Variants in BMPR1B observed in about 807,000 individuals in gnomAD.
The protein encoded by BMPR1B is bone morphogenetic protein receptor type 1B, also known as bone morphogenetic protein receptor type-1B.
Under a neutral mutation model 59.1 loss-of-function variants are expected in BMPR1B, and 12 were observed. That is an observed-to-expected ratio of 0.20 (90% CI 0.13 to 0.33). The LOEUF is 0.33. BMPR1B is among the 10% of genes least tolerant of loss of function. The probability of loss-of-function intolerance (pLI) is 1.00; values close to 1 mark genes in which losing one functional copy is unlikely to be tolerated. For synonymous variants in BMPR1B, 237 were observed against 207.3 expected, an observed-to-expected ratio of 1.14 and a Z score of -1.23; for missense variants, 550 against 610.9, an observed-to-expected ratio of 0.90 and a Z score of 1.05.
intron 1 of BMPR1B, among the ~76,000 whole-genome samples, chr4:94,792,348 G>A (rs949167852): frequency 6.6e-5 from 10 of 151,910 alleles, no homozygotes; most frequent in Non-Finnish European, 1.3e-4. Context: ...ATCTGTTTTT[G>A]GCCTCTGATT....
At chr4:94,854,171 G>T (rs4538488) in intron 1 of BMPR1B, among the ~76,000 whole-genome samples, 94,905 of 151,916 alleles carry the variant, frequency 0.62, 30,930 homozygotes, top group African/African-American at 0.82. Flanking sequence ...ATTGAATAAG[G>T]CCTTTCGTAT....
At chr4:94,969,934 T>C (rs1730708191) in intron 2 of BMPR1B, among the ~76,000 whole-genome samples, 1 of 152,210 alleles carries the variant, frequency 6.6e-6, no homozygotes, top group African/African-American at 2.4e-5. Flanking sequence ...GGTTGTCTTA[T>C]GTTTCCTTAC....
At chr4:94,772,938 G>T (rs1722238115) in intron 1 of BMPR1B, among the ~76,000 whole-genome samples, 1 of 152,024 alleles carries the variant, frequency 6.6e-6, no homozygotes, top group South Asian at 2.1e-4. Flanking sequence ...TAATAAGGAA[G>T]GACTAGTTGA....
At chr4:94,982,949 C>T (rs1721184111) in intron 2 of BMPR1B, among the ~76,000 whole-genome samples, 1 of 151,128 alleles carries the variant, frequency 6.6e-6, no homozygotes, top group Non-Finnish European at 1.5e-5. Flanking sequence ...CGTGCCACTG[C>T]ACTCCAGCCT....
At position 94,836,002 on chromosome 4, in the gene BMPR1B, G is replaced by A. The variant is rs372331264; in HGVS notation, c.-182-39829G>A. Among the ~76,000 whole-genome samples the A allele has an allele frequency of 3.4e-3, 494 of 146,234 alleles. 2 individuals carry two copies. Among genetic ancestry groups the A allele is most frequent in the Non-Finnish European group, 5.6e-3 (379 of 67,108 alleles). ...TCAATTCCCACCTATGAGTGAGAAT[G>A]TGCGGTGTTTGGTTTTTTGTTCTTG... is the stretch of plus-strand genomic sequence containing the variant. On this transcript the variant is annotated intron_variant, in intron 1 of 12. Coordinates refer to ENST00000515059, the MANE Select transcript of BMPR1B (RefSeq NM_001203.3).
chr4:94,804,114 G>A (rs1723515652), intron 1 of BMPR1B, among the ~76,000 whole-genome samples: 1 of 152,128 alleles, frequency 6.6e-6, no homozygotes, highest in South Asian at 2.1e-4. Context: ...TCCTGACCTT[G>A]TGATCCGCCT....
At chr4:94,773,985 G>A (rs2110576053) in intron 1 of BMPR1B, among the ~76,000 whole-genome samples, 1 of 152,120 alleles carries the variant, frequency 6.6e-6, no homozygotes, top group Admixed American at 6.5e-5. Context: ...TCTTGAAAAT[G>A]TCTGGGAAAC....
chr4:94,815,693 C>T (rs551961315), intron 1 of BMPR1B, among the ~76,000 whole-genome samples: 8 of 152,224 alleles, frequency 5.3e-5, no homozygotes, highest in African/African-American at 1.9e-4. Context: ...TTACTTTTAC[C>T]TACTCTAAGC....
At chr4:94,764,853 G>GC (rs1202599017) in intron 1 of BMPR1B, among the ~76,000 whole-genome samples, 2 of 152,152 alleles carry the variant, frequency 1.3e-5, no homozygotes, top group African/African-American at 4.8e-5. Flanking sequence ...ACTGTACTAG[G>GC]CATTGTGGAT....
chr4:94,837,235 G>A (rs960312055), intron 1 of BMPR1B, among the ~76,000 whole-genome samples: 21 of 148,104 alleles, frequency 1.4e-4, no homozygotes, highest in Admixed American at 4.0e-4. Flanking sequence ...TTGACTTGGC[G>A]ATGTGGGCTC....
intron 3 of BMPR1B, among the ~76,000 whole-genome samples, chr4:95,075,964 G>A (rs2149226873): frequency 6.6e-6 from 1 of 152,252 alleles, no homozygotes; most frequent in African/African-American, 2.4e-5. Context: ...AGAGAAAGAA[G>A]AGAAGACCCA....
At chr4:95,088,557 T>G (rs1729758608) in intron 3 of BMPR1B, among the ~76,000 whole-genome samples, 1 of 152,200 alleles carries the variant, frequency 6.6e-6, no homozygotes, top group Non-Finnish European at 1.5e-5. Flanking sequence ...TATGTCATAA[T>G]AGCACAATTT....
At chr4:95,064,228 G>A (rs972743939) in intron 3 of BMPR1B, among the ~76,000 whole-genome samples, 1 of 152,172 alleles carries the variant, frequency 6.6e-6, no homozygotes, top group Non-Finnish European at 1.5e-5. Context: ...TAGAACAGGG[G>A]TTCCCAACCC....
chr4:94,937,297 G>A (rs1205270856), intron 2 of BMPR1B, among the ~76,000 whole-genome samples: 1 of 152,094 alleles, frequency 6.6e-6, no homozygotes, highest in Admixed American at 6.5e-5. Flanking sequence ...CCCTGGCAGA[G>A]TTAGGCACTT....
chr4:94,893,746 T>C (rs1727484488), intron 2 of BMPR1B, among the ~76,000 whole-genome samples: 1 of 151,590 alleles, frequency 6.6e-6, no homozygotes, highest in African/African-American at 2.4e-5. Context: ...GAACCACCAG[T>C]AGAAGGCAAA....
intron 1 of BMPR1B, among the ~76,000 whole-genome samples, chr4:94,797,622 G>GC (rs1260434106): frequency 1.3e-5 from 2 of 152,188 alleles, no homozygotes; most frequent in Non-Finnish European, 2.9e-5. Flanking sequence ...GTTGGACTAT[G>GC]TAGTGTTCCC....
At chr4:94,905,972 A>T (rs1173523112) in intron 2 of BMPR1B, among the ~76,000 whole-genome samples, 1 of 150,516 alleles carries the variant, frequency 6.6e-6, no homozygotes, top group Non-Finnish European at 1.5e-5. Flanking sequence ...ATATCAAGCT[A>T]CAAAGGAGTA....
At chr4:95,107,981 C>T (rs143420855) in intron 4 of BMPR1B, among the ~76,000 whole-genome samples, 1 of 152,194 alleles carries the variant, frequency 6.6e-6, no homozygotes, top group East Asian at 1.9e-4. Flanking sequence ...ACTCTACTCT[C>T]TACCCTCCAA....
chr4:94,939,073 C>T (rs1209193220), intron 2 of BMPR1B, among the ~76,000 whole-genome samples: 1 of 152,146 alleles, frequency 6.6e-6, no homozygotes, highest in East Asian at 1.9e-4. Flanking sequence ...GATCTGAACT[C>T]CGAGCCTCTA....
Sources: allele counts gnomAD v4.1 joint callset (sites outside exome capture counted in the v4.1 genomes callset), GRCh38; gene constraint gnomAD v4.1.1; transcripts MANE v1.5; gene names NCBI Gene and HGNC (gene_info 2026-07-23, HGNC 2026-07-21).